The following APBA2 variants were observed in gnomAD, a reference collection of about 807,000 sequenced individuals.
The protein encoded by APBA2 is amyloid-beta A4 precursor protein-binding family A member 2.
APBA2 carries 30 observed loss-of-function variants against 75.0 expected under a neutral mutation model. The ratio of observed to expected loss-of-function variants is 0.40; its 90% CI spans 0.30 to 0.54. APBA2 has a LOEUF of 0.54. Among genes scored for constraint, APBA2 ranks in the 20% least tolerant of loss-of-function variants. The pLI, the probability that APBA2 is intolerant of heterozygous loss-of-function variation, is 0.49. For synonymous variants in APBA2, 444 were observed against 409.6 expected (o/e 1.08, Z -1.01); for missense variants, 801 against 1,016.1 (o/e 0.79, Z 2.88).
chr15:29,089,512 C>A, intron 6 of APBA2, among the ~76,000 whole-genome samples: 1 of 152,200 alleles, frequency 6.6e-6, no homozygotes, highest in East Asian at 1.9e-4. Flanking sequence ...TATACAGGGA[C>A]AGGTCTTGGA....
Position 29,117,706 on chromosome 15 carries a change from A to T in APBA2, c.*573A>T, listed in dbSNP as rs769072856. 3 of 157,678 alleles carry T rather than the reference A, an allele frequency of 1.9e-5. No homozygotes were observed. Among genetic ancestry groups the T allele is most frequent in the Non-Finnish European group, 2.8e-5 (2 of 71,316 alleles). The allele number at this position is 157,678 out of a possible 1,614,324, so 9.8% of individuals were successfully genotyped here. On this transcript the variant is annotated 3_prime_UTR_variant, in exon 15 of 15. Transcript: ENST00000683413. ...TGATTGTAAATAAAGGATGATGGCC[A>T]CAACATGAAAACTCCATATTTATTT...
intron 1 of APBA2, among the ~76,000 whole-genome samples, chr15:28,907,942 T>C (rs946441113): frequency 6.6e-6 from 1 of 152,050 alleles, no homozygotes; most frequent in African/African-American, 2.4e-5. Flanking sequence ...GGGGAACCCT[T>C]TCGTTTCTAA....
chr15:29,039,098 GGTGTGTGT>G (rs57326919), intron 3 of APBA2, among the ~76,000 whole-genome samples: 9,842 of 106,194 alleles, frequency 0.093, 430 homozygotes, highest in African/African-American at 0.14. Context: ...TGTATGTCAG[GGTGTGTGT>G]GTGTGTGTGT....
intron 6 of APBA2, among the ~76,000 whole-genome samples, chr15:29,089,544 C>T (rs985618331): frequency 1.3e-5 from 2 of 152,174 alleles, no homozygotes; most frequent in African/African-American, 4.8e-5. Context: ...CCCCTGGGGC[C>T]ACACTGGCAC....
chr15:29,080,686 C>A (rs1001825416), intron 6 of APBA2, among the ~76,000 whole-genome samples: 5 of 152,202 alleles, frequency 3.3e-5, no homozygotes, highest in African/African-American at 1.2e-4. Flanking sequence ...CTGGCAGCAG[C>A]TTGAGCCCAA....
At chr15:28,939,854 T>C (rs868417541) in intron 2 of APBA2, among the ~76,000 whole-genome samples, 3 of 152,086 alleles carry the variant, frequency 2.0e-5, no homozygotes, top group East Asian at 1.9e-4. Context: ...GACGAGTAGA[T>C]AAGCACAGAA....
intron 3 of APBA2, among the ~76,000 whole-genome samples, chr15:29,036,261 A>T (rs2040748844): frequency 6.6e-6 from 1 of 152,022 alleles, no homozygotes; most frequent in Admixed American, 6.5e-5. Flanking sequence ...ATTTTTTTTA[A>T]CATATCTACA....
intron 1 of APBA2, among the ~76,000 whole-genome samples, chr15:28,888,911 A>G (rs141523696): frequency 3.8e-4 from 58 of 152,244 alleles, no homozygotes; most frequent in African/African-American, 1.3e-3. Flanking sequence ...ATGTAGGTCA[A>G]GTTTGAGATG....
At chr15:28,967,076 G>A (rs537651259) in intron 2 of APBA2, among the ~76,000 whole-genome samples, 1 of 152,310 alleles carries the variant, frequency 6.6e-6, no homozygotes, top group African/African-American at 2.4e-5. Flanking sequence ...TCTGTTTGAA[G>A]ACATTTCTTT....
At chr15:29,015,470 C>T (rs1356284083) in intron 3 of APBA2, among the ~76,000 whole-genome samples, 1 of 152,182 alleles carries the variant, frequency 6.6e-6, no homozygotes, top group African/African-American at 2.4e-5. Flanking sequence ...GGTTTGCCTG[C>T]TGTCCCCCAG....
chr15:29,017,387 T>G (rs965204272), intron 3 of APBA2, among the ~76,000 whole-genome samples: 1 of 142,502 alleles, frequency 7.0e-6, no homozygotes, highest in African/African-American at 2.8e-5. Flanking sequence ...CCATCTTCTT[T>G]TCTTTCTTTC....
chr15:29,101,475 G>T (rs2044119434), intron 9 of APBA2, 124 bp from the exon 10 acceptor site: 3 of 1,009,826 alleles, frequency 3.0e-6, no homozygotes, highest in Non-Finnish European at 3.0e-6. Context: ...CAGGTGATCT[G>T]CCTGCCTCGG....
At chr15:28,933,508 C>T (rs2034674506) in intron 2 of APBA2, among the ~76,000 whole-genome samples, 1 of 152,150 alleles carries the variant, frequency 6.6e-6, no homozygotes. Context: ...TGTGAGAGTA[C>T]CCTGAATGGA....
chr15:29,033,777 C>T lies in APBA2; in HGVS notation c.-40-20068C>T, dbSNP rs953276011. ...AGATCGAGACCATCCTGGCTAATAA[C>T]GGTGAAACCCCGTCTCTACTAAAAA... is the stretch of plus-strand genomic sequence containing the variant. On this transcript the variant is annotated intron_variant, in intron 3 of 14. Transcript: ENST00000683413. Among the ~76,000 whole-genome samples, 12 of 151,872 alleles carry T rather than the reference C, an allele frequency of 7.9e-5. No homozygotes were observed. In the South Asian group the frequency reaches 1.5e-3, roughly 18 times the overall value.
intron 2 of APBA2, among the ~76,000 whole-genome samples, chr15:28,935,889 A>G (rs2034838018): frequency 6.6e-6 from 1 of 152,260 alleles, no homozygotes; most frequent in African/African-American, 2.4e-5. Context: ...TGCAGAGCTC[A>G]TCTCTATTAA....
intron 2 of APBA2, among the ~76,000 whole-genome samples, chr15:28,945,766 G>A (rs892486498): frequency 1.3e-5 from 2 of 152,020 alleles, no homozygotes; most frequent in Non-Finnish European, 2.9e-5. Context: ...AGCCTACCTC[G>A]GCCTCCCAAA....
At chr15:28,943,748 G>A (rs2035371999) in intron 2 of APBA2, among the ~76,000 whole-genome samples, 1 of 152,104 alleles carries the variant, frequency 6.6e-6, no homozygotes, top group African/African-American at 2.4e-5. Context: ...TCCAGCCCTG[G>A]CTCCTCCAGC....
At chr15:28,928,397 CAG>C (rs2034390131) in intron 2 of APBA2, among the ~76,000 whole-genome samples, 1 of 151,828 alleles carries the variant, frequency 6.6e-6, no homozygotes, top group Non-Finnish European at 1.5e-5. Context: ...CTTCCTCAGA[CAG>C]AGTGAGTGTC....
intron 5 of APBA2, among the ~76,000 whole-genome samples, chr15:29,075,838 T>C (rs902002155): frequency 1.7e-4 from 26 of 152,108 alleles, no homozygotes; most frequent in Non-Finnish European, 5.9e-5. Context: ...TGAGGGCCCC[T>C]AAGTTTTAGA....
Sources: gnomAD v4.1 joint callset for allele counts (sites outside exome capture counted in the v4.1 genomes callset) on GRCh38, gnomAD v4.1.1 for gene constraint, MANE v1.5 for transcripts, NCBI Gene and HGNC (gene_info 2026-07-23, HGNC 2026-07-21) for gene names.